Variants in ZMAT4 observed in about 807,000 individuals in gnomAD.
The protein encoded by ZMAT4 is zinc finger matrin-type protein 4.
A neutral mutation model predicts 28.7 loss-of-function variants in ZMAT4; 17 were observed. That is an observed-to-expected ratio of 0.59 (90% confidence interval 0.41 to 0.89). The LOEUF is 0.89. Among genes scored for constraint, ZMAT4 ranks in the 40% least tolerant of loss-of-function variants. ZMAT4 has a pLI of 0.00. For synonymous variants in ZMAT4, 117 were observed against 109.2 expected (o/e 1.07, Z -0.44); for missense variants, 240 against 283.8 (o/e 0.85, Z 1.11).
chr8:40,850,987 A>G (rs1372428195), intron 1 of ZMAT4, among the ~76,000 whole-genome samples: 1 of 152,228 alleles, frequency 6.6e-6, no homozygotes, highest in Non-Finnish European at 1.5e-5. Flanking sequence ...TTTTAAAATA[A>G]AAATAAACCA....
chr8:40,735,527 C>A (rs1811727541), intron 3 of ZMAT4, among the ~76,000 whole-genome samples: 1 of 152,044 alleles, frequency 6.6e-6, no homozygotes, highest in African/African-American at 2.4e-5. Context: ...AAAAGCATTA[C>A]TAAAATAAAG....
chr8:40,823,794 T>C (rs1170154901), intron 2 of ZMAT4, among the ~76,000 whole-genome samples: 1 of 152,178 alleles, frequency 6.6e-6, no homozygotes, highest in Admixed American at 6.5e-5. Flanking sequence ...TTTTAGATAA[T>C]TCTTTAAAGC....
intron 4 of ZMAT4, among the ~76,000 whole-genome samples, chr8:40,690,342 C>T (rs930338262): frequency 2.6e-5 from 4 of 152,302 alleles, no homozygotes; most frequent in South Asian, 2.1e-4. Flanking sequence ...GCTAAAATAA[C>T]GATCACTAAG....
chr8:40,681,471 A>G (rs1464372456), intron 4 of ZMAT4, among the ~76,000 whole-genome samples: 1 of 152,240 alleles, frequency 6.6e-6, no homozygotes, highest in East Asian at 1.9e-4. Context: ...CAGTAAAGTT[A>G]GATTAGATCA....
chr8:40,769,380 G>A (rs1471186583), intron 2 of ZMAT4, among the ~76,000 whole-genome samples: 1 of 152,050 alleles, frequency 6.6e-6, no homozygotes, highest in Admixed American at 6.6e-5. Context: ...AAATGACAAT[G>A]CAGGCTTATA....
At chr8:40,879,133 T>C (rs952078823) in intron 1 of ZMAT4, among the ~76,000 whole-genome samples, 1 of 152,138 alleles carries the variant, frequency 6.6e-6, no homozygotes, top group Non-Finnish European at 1.5e-5. Context: ...TCCAAAATAT[T>C]TGTTTCAGCC....
chr8:40,710,151 A>C (rs1208767765), intron 3 of ZMAT4, among the ~76,000 whole-genome samples: 1 of 152,130 alleles, frequency 6.6e-6, no homozygotes, highest in Admixed American at 6.5e-5. Context: ...ACAGTGTATA[A>C]TGGCTGTGAA....
intron 5 of ZMAT4, among the ~76,000 whole-genome samples, chr8:40,592,659 A>G (rs980591298): frequency 5.9e-5 from 9 of 152,348 alleles, no homozygotes; most frequent in Admixed American, 1.3e-4. Flanking sequence ...AATTTTAGCC[A>G]TATTGGATGC....
intron 3 of ZMAT4, among the ~76,000 whole-genome samples, chr8:40,698,308 C>A (rs1239875744): frequency 2.0e-5 from 3 of 152,014 alleles, no homozygotes; most frequent in African/African-American, 7.2e-5. Flanking sequence ...AAAAATAAAA[C>A]CTTGGTCAGA....
intron 1 of ZMAT4, among the ~76,000 whole-genome samples, chr8:40,831,692 C>T (rs1390975828): frequency 6.6e-6 from 1 of 152,192 alleles, no homozygotes; most frequent in Non-Finnish European, 1.5e-5. Context: ...GAATTTAAGA[C>T]TCATGGACAC....
At chr8:40,551,943 C>T (rs185475022) in intron 6 of ZMAT4, among the ~76,000 whole-genome samples, 9 of 152,306 alleles carry the variant, frequency 5.9e-5, no homozygotes, top group Admixed American at 2.6e-4. Context: ...ACTTCCCATA[C>T]AGCGTGTGTG....
At chr8:40,824,535 A>G (rs1039275199) in intron 2 of ZMAT4, among the ~76,000 whole-genome samples, 6 of 152,184 alleles carry the variant, frequency 3.9e-5, no homozygotes, top group African/African-American at 9.6e-5. Context: ...AAAGCAGAAC[A>G]TGCCCTAGTA....
At chr8:40,540,144 G>T (rs1202022571) in intron 6 of ZMAT4, among the ~76,000 whole-genome samples, 1 of 152,180 alleles carries the variant, frequency 6.6e-6, no homozygotes, top group Non-Finnish European at 1.5e-5. Context: ...AGTGCAAAGA[G>T]GTTCCCAGGA....
intron 4 of ZMAT4, among the ~76,000 whole-genome samples, chr8:40,676,152 A>C (rs2150474756): frequency 6.6e-6 from 1 of 152,334 alleles, no homozygotes; most frequent in African/African-American, 2.4e-5. Context: ...CCAGTGGCTT[A>C]CTGAAGGTGA....
At chr8:40,737,838 A>G (rs1194017131) in intron 3 of ZMAT4, among the ~76,000 whole-genome samples, 1 of 151,964 alleles carries the variant, frequency 6.6e-6, no homozygotes, top group Non-Finnish European at 1.5e-5. Flanking sequence ...GAAGAGGATA[A>G]TAGTACCTAC....
At chr8:40,540,258 T>C (rs768751964) in intron 6 of ZMAT4, among the ~76,000 whole-genome samples, 2 of 152,096 alleles carry the variant, frequency 1.3e-5, no homozygotes, top group Non-Finnish European at 2.9e-5. Context: ...GAACCTGGGA[T>C]TCAAGCTGCG....
At chr8:40,822,823 T>G (rs1422872849) in intron 2 of ZMAT4, among the ~76,000 whole-genome samples, 1 of 152,196 alleles carries the variant, frequency 6.6e-6, no homozygotes, top group Non-Finnish European at 1.5e-5. Flanking sequence ...GGAATGCATT[T>G]AATGTTATCT....
chr8:40,830,011 G>A (rs1272532905), intron 1 of ZMAT4, among the ~76,000 whole-genome samples: 3 of 152,124 alleles, frequency 2.0e-5, no homozygotes, highest in Non-Finnish European at 4.4e-5. Context: ...GGGGAGAAGA[G>A]CCAGGTCCCG....
At chr8:40,677,791 A>G (rs1030462178) in intron 4 of ZMAT4, among the ~76,000 whole-genome samples, 8 of 152,230 alleles carry the variant, frequency 5.3e-5, no homozygotes, top group African/African-American at 1.4e-4. Flanking sequence ...AAAACACTTT[A>G]GTTGACATGT....
Sources: allele counts gnomAD v4.1 joint callset (sites outside exome capture counted in the v4.1 genomes callset), GRCh38; gene constraint gnomAD v4.1.1; transcripts MANE v1.5; gene names NCBI Gene and HGNC (gene_info 2026-07-23, HGNC 2026-07-21).